The following SLIT1 variants were observed in gnomAD, a reference collection of about 807,000 sequenced individuals.
The protein encoded by SLIT1 is slit homolog 1 protein.
A neutral mutation model predicts 186.1 loss-of-function variants in SLIT1; 66 were observed. The ratio of observed to expected loss-of-function variants is 0.35; its 90% CI spans 0.29 to 0.44. The LOEUF is 0.44. SLIT1 is among the 20% of genes least tolerant of loss of function. The pLI, the probability that SLIT1 is intolerant of heterozygous loss-of-function variation, is 1.00. For missense variants in SLIT1, 1,638 were observed against 2,037.4 expected (o/e 0.80, Z 3.77); for synonymous variants, 761 against 833.8 (o/e 0.91, Z 1.50).
Position 97,164,854 on chromosome 10 carries a change from C to G in SLIT1, c.234G>C (p.Lys78Asn). 1 of 1,613,720 alleles carries G rather than the reference C, an allele frequency of 6.2e-7. No individual in the cohort carries two copies. The highest frequency in any genetic ancestry group is 1.1e-5 in the South Asian group (1 of 91,070). The change falls in exon 2 of 37, where the codon AAG becomes AAC. Residue 78 changes from lysine (K) to asparagine (N), a missense_variant. By Grantham distance (94) the Lys-to-Asn change is moderately conservative (BLOSUM62 0). This residue lies in a region of SLIT1 where 1,245 missense variants were observed against 1,535.3 expected (regional missense o/e 0.81). Transcript: ENST00000266058. ...GCTGCTTGAGCCCCGCAAAGTCATT[C>G]TTATGGATCCGAGTGATGTTGTTGC... ...LNGNNITRIH[K>N]NDFAGLKQLR...
At position 97,001,365 on chromosome 10, in the gene SLIT1, C is replaced by T. The variant is rs1423656406; in HGVS notation, c.4367-15G>A. On this transcript the variant is annotated splice_polypyrimidine_tract_variant and intron_variant, in intron 36 of 36. Transcript: ENST00000266058. ...GCACTCGGACTCTGGATGGGACAGA[C>T]ACCAAGAGAAAGCCTCAGGGCACAC... 25 of 1,602,338 alleles carry T rather than the reference C, an allele frequency of 1.6e-5. No individual in the cohort carries two copies. The highest frequency in any genetic ancestry group is 2.0e-5 in the Non-Finnish European group (24 of 1,171,602).
At chr10:97,180,135 T>C (rs1321000517) in intron 1 of SLIT1, among the ~76,000 whole-genome samples, 1 of 152,192 alleles carries the variant, frequency 6.6e-6, no homozygotes, top group Non-Finnish European at 1.5e-5. Context: ...GCTCCAGGGT[T>C]CCCAGCGGCT....
chr10:97,078,305 C>A (rs568464010), intron 4 of SLIT1, among the ~76,000 whole-genome samples: 2 of 152,126 alleles, frequency 1.3e-5, no homozygotes, highest in South Asian at 4.2e-4. Flanking sequence ...TGGAGAGGTG[C>A]GCCCCTTCCC....
intron 23 of SLIT1, among the ~76,000 whole-genome samples, chr10:97,033,011 G>GCAGGGGATTA (rs914882340): frequency 2.0e-5 from 3 of 152,008 alleles, no homozygotes; most frequent in African/African-American, 7.2e-5. Flanking sequence ...AGAGGCAGGA[G>GCAGGGGATTA]CAGGGGATTA....
intron 4 of SLIT1, among the ~76,000 whole-genome samples, chr10:97,150,239 GC>G: frequency 6.6e-6 from 1 of 152,326 alleles, no homozygotes; most frequent in Admixed American, 6.5e-5. Flanking sequence ...TGGCATGGAT[GC>G]GTCACAATAG....
At chr10:97,178,230 A>C (rs1167847511) in intron 1 of SLIT1, among the ~76,000 whole-genome samples, 3 of 152,220 alleles carry the variant, frequency 2.0e-5, no homozygotes, top group African/African-American at 7.2e-5. Flanking sequence ...GGCAGACATC[A>C]ACTTATCAAG....
intron 1 of SLIT1, among the ~76,000 whole-genome samples, chr10:97,175,145 T>C (rs1407925029): frequency 6.6e-6 from 1 of 152,246 alleles, no homozygotes; most frequent in African/African-American, 2.4e-5. Flanking sequence ...CATACAGTGT[T>C]TGTCATCTTA....
Position 97,043,151 on chromosome 10 carries a change from GGGCCACAT to G in SLIT1, c.1998-92_1998-85del, listed in dbSNP as rs1848704259. 2.7e-6 allele frequency: 4 copies of G among 1,467,842 alleles called. No homozygotes were observed. The highest frequency in any genetic ancestry group is 1.9e-5 in the Admixed American group (1 of 53,232). The allele number at this position is 1,467,842 out of a possible 1,614,324, so 90.9% of individuals were successfully genotyped here. On this transcript the variant is annotated intron_variant, in intron 19 of 36. Transcript: ENST00000266058. This position sits in a 1 kb window ranked among gnomAD's most constrained non-coding sequence, Gnocchi z 7.0. ...AAACCCCTCCTGTACCACGGACACA[GGGCCACAT>G]GGCCACATGGCACTGTCTCCCAGAC...
intron 4 of SLIT1, among the ~76,000 whole-genome samples, chr10:97,140,725 GC>G (rs1445912591): frequency 1.3e-5 from 2 of 152,230 alleles, no homozygotes; most frequent in Non-Finnish European, 2.9e-5. Context: ...GGTGGGGGCA[GC>G]CCAGGGGAGA....
At chr10:97,162,697 G>A (rs1482535186) in intron 3 of SLIT1, among the ~76,000 whole-genome samples, 1 of 151,648 alleles carries the variant, frequency 6.6e-6, no homozygotes, top group Non-Finnish European at 1.5e-5. Context: ...AAAATAAAAC[G>A]GACTTTCTGG....
intron 12 of SLIT1, among the ~76,000 whole-genome samples, chr10:97,056,920 A>C (rs911313647): frequency 6.6e-6 from 1 of 152,168 alleles, no homozygotes; most frequent in African/African-American, 2.4e-5. Flanking sequence ...CCCCTGCAGG[A>C]GAAAGCTCTG....
intron 1 of SLIT1, among the ~76,000 whole-genome samples, chr10:97,166,639 A>AGAAAAGAAAAGAAAG (rs1554854803): frequency 2.6e-4 from 37 of 143,460 alleles, no homozygotes; most frequent in African/African-American, 2.0e-4. Flanking sequence ...AGAAAAGAAA[A>AGAAAAGAAAAGAAAG]GAAAGGAAAG....
In SLIT1 at chr10:97,097,193, C is replaced by T. The variant is rs1426882860; in HGVS notation, c.414-31107G>A. Among the ~76,000 whole-genome samples, 4 of 152,328 alleles carry T rather than the reference C, an allele frequency of 2.6e-5. No homozygotes were observed. The East Asian group carries it at 5.8e-4, about 22-fold the overall frequency. On this transcript the variant is annotated intron_variant, in intron 4 of 36. Coordinates refer to ENST00000266058, the MANE Select transcript of SLIT1 (RefSeq NM_003061.3). ...CTAACACTGCAACCACATCTCATCCCTACAGCTACTACGCTGATGGGCCTG... is the reference window on the plus strand; with the variant it reads ...CTAACACTGCAACCACATCTCATCCTTACAGCTACTACGCTGATGGGCCTG...
At position 97,004,022 on chromosome 10, in the gene SLIT1, C is replaced by T. The variant is rs752635293; in HGVS notation, c.3865+46G>A. The T allele has an allele frequency of 1.3e-6, 2 of 1,554,502 alleles. No individual in the cohort carries two copies. The highest frequency in any genetic ancestry group is 3.5e-5 in the Admixed American group (2 of 56,494). On this transcript the variant is annotated intron_variant, in intron 34 of 36. Transcript: ENST00000266058. The surrounding 1 kb of genome is among the most constrained non-coding windows in gnomAD (Gnocchi z 5.1). The stretch of plus-strand genomic sequence containing the variant: ...CTAGGCACCAGCTCTCCTGGCTGGC[C>T]TCAGGCCAGACAGCAAAAGAGGCCC...
At chr10:97,136,755 G>A (rs766293287) in intron 4 of SLIT1, among the ~76,000 whole-genome samples, 1 of 152,166 alleles carries the variant, frequency 6.6e-6, no homozygotes, top group Non-Finnish European at 1.5e-5. Context: ...GCATACTGTC[G>A]GTGTGTAGGA....
intron 2 of SLIT1, among the ~76,000 whole-genome samples, chr10:97,164,447 G>A (rs1461943908): frequency 6.6e-6 from 1 of 152,222 alleles, no homozygotes; most frequent in Non-Finnish European, 1.5e-5. Context: ...AGCCTGGGAA[G>A]CGGCAGAGGT....
At chr10:97,082,373 G>A (rs1221413364) in intron 4 of SLIT1, among the ~76,000 whole-genome samples, 1 of 152,166 alleles carries the variant, frequency 6.6e-6, no homozygotes, top group Non-Finnish European at 1.5e-5. Flanking sequence ...GCCTGGCACT[G>A]TGCTAGGTAT....
intron 4 of SLIT1, among the ~76,000 whole-genome samples, chr10:97,077,110 C>T (rs957890285): frequency 2.0e-5 from 3 of 152,172 alleles, no homozygotes; most frequent in Non-Finnish European, 4.4e-5. Context: ...CTCCAAACAG[C>T]TAACAAAATC....
At chr10:97,165,938 T>C (rs1402511790) in intron 1 of SLIT1, among the ~76,000 whole-genome samples, 1 of 151,354 alleles carries the variant, frequency 6.6e-6, no homozygotes, top group Non-Finnish European at 1.5e-5. Context: ...GGAGGGAGGC[T>C]CCCCCTACCC....
Sources: allele counts gnomAD v4.1 joint callset (sites outside exome capture counted in the v4.1 genomes callset), GRCh38; gene constraint gnomAD v4.1.1; regional missense constraint gnomAD v4.1.1; non-coding constraint Gnocchi (gnomAD v3.1); transcripts MANE v1.5; gene names NCBI Gene and HGNC (gene_info 2026-07-23, HGNC 2026-07-21).